DNAI1: variants seen among roughly 807,000 people sequenced by gnomAD.
DNAI1 encodes dynein axonemal intermediate chain 1, also known as dynein, axonemal, intermediate polypeptide 1.
A neutral mutation model predicts 92.0 loss-of-function variants in DNAI1; 67 were observed. The observed-to-expected ratio is 0.73, with a 90% CI of 0.60 to 0.89. The LOEUF is 0.89. Ranked by LOEUF, DNAI1 falls within the 40% of genes least tolerant of loss-of-function variation. DNAI1 has a pLI of 0.00. For missense variants in DNAI1, 839 were observed against 866.6 expected (o/e 0.97, Z 0.40); for synonymous variants, 323 against 319.6 (o/e 1.01, Z -0.11).
Position 34,488,226 on chromosome 9 carries a change from C to G in DNAI1, c.262-1097C>G, listed in dbSNP as rs541791657. On this transcript the variant is annotated intron_variant, in intron 4 of 19. Coordinates refer to ENST00000242317, the MANE Select transcript of DNAI1 (RefSeq NM_012144.4). ...TCTTTTATAGATGAAGAACTTAGGG[C>G]TTAGAGTGGTTAAGCCCAAAGTCAT... 1.6e-5 allele frequency: 3 copies of G among 192,240 alleles called. No homozygotes were observed. The South Asian group carries it at 2.1e-4, about 13-fold the overall frequency. 11.9% of individuals were successfully genotyped at this position (192,240 alleles called of 1,614,324 possible).
At chr9:34,460,942 G>A (rs1264600881) in intron 1 of DNAI1, among the ~76,000 whole-genome samples, 1 of 152,068 alleles carries the variant, frequency 6.6e-6, no homozygotes, top group Non-Finnish European at 1.5e-5. Flanking sequence ...CTGGGTTCAC[G>A]TCATTCTCCT....
intron 10 of DNAI1, among the ~76,000 whole-genome samples, chr9:34,500,293 T>C (rs1200643014): frequency 1.3e-5 from 2 of 152,108 alleles, no homozygotes; most frequent in Admixed American, 1.3e-4. Flanking sequence ...GGGCTGCATT[T>C]TAGGGATTTA....
chr9:34,484,877 C>T (rs1824439868), intron 2 of DNAI1, among the ~76,000 whole-genome samples: 1 of 152,200 alleles, frequency 6.6e-6, no homozygotes, highest in African/African-American at 2.4e-5. Flanking sequence ...GGTCCCACTA[C>T]TGGGGCCAGA....
At chr9:34,474,229 CT>C (rs943258713) in intron 1 of DNAI1, among the ~76,000 whole-genome samples, 14 of 148,884 alleles carry the variant, frequency 9.4e-5, no homozygotes, top group South Asian at 6.5e-4. Flanking sequence ...GTGACTATTT[CT>C]TTTTTTTTTC....
At chr9:34,487,133 A>G (rs1225011636) in intron 4 of DNAI1, among the ~76,000 whole-genome samples, 1 of 151,860 alleles carries the variant, frequency 6.6e-6, no homozygotes, top group East Asian at 1.9e-4. Flanking sequence ...TTCTTATTTA[A>G]GATTGTGTAG....
At chr9:34,513,895 T>C (rs1370484143) in intron 16 of DNAI1, among the ~76,000 whole-genome samples, 3 of 148,564 alleles carry the variant, frequency 2.0e-5, no homozygotes, top group Non-Finnish European at 3.0e-5. Flanking sequence ...GGCAAAAAAC[T>C]GAATAGGAAA....
chr9:34,494,172 G>A (rs1277052395), intron 9 of DNAI1, among the ~76,000 whole-genome samples: 1 of 152,088 alleles, frequency 6.6e-6, no homozygotes, highest in African/African-American at 2.4e-5. Flanking sequence ...GGCTGCTCTC[G>A]GGGAAGTGGT....
At chr9:34,504,939 G>A (rs1446279826) in intron 12 of DNAI1, among the ~76,000 whole-genome samples, 1 of 152,032 alleles carries the variant, frequency 6.6e-6, no homozygotes, top group Non-Finnish European at 1.5e-5. Context: ...AAGGGCGGAG[G>A]AGCATTGCAT....
chr9:34,514,228 G>T (rs1213040064), intron 16 of DNAI1, among the ~76,000 whole-genome samples, 166 bp from the exon 17 acceptor site: 1 of 152,168 alleles, frequency 6.6e-6, no homozygotes, highest in Non-Finnish European at 1.5e-5. Context: ...CTTTCCCCCA[G>T]GGTGTGCTGA....
rs1263667390 is a variant in DNAI1 at position 34,517,381 on chromosome 9, C to T, written c.1915C>T (p.Leu639Phe). The stretch of plus-strand genomic sequence containing the variant: ...CAGGCTCACCCACGTGCAGTTCAAT[C>T]TCATCCACCCCATCATCATTGTGGG... ...KNRLTHVQFN[L>F]IHPIIIVGDD... The change falls in exon 19 of 20, where the codon CTC becomes TTC. Residue 639 changes from leucine to phenylalanine, a missense_variant. Physicochemically the swap from Leu to Phe is conservative, Grantham distance 22. Transcript: ENST00000242317. 1 of 1,614,104 alleles carries T rather than the reference C, an allele frequency of 6.2e-7. No individual in the cohort carries two copies. The highest frequency in any genetic ancestry group is 8.5e-7 in the Non-Finnish European group (1 of 1,180,052).
intron 19 of DNAI1, among the ~76,000 whole-genome samples, chr9:34,519,199 C>G (rs72735259): frequency 0.075 from 11,387 of 152,244 alleles, 545 homozygotes; most frequent in Non-Finnish European, 0.12. Flanking sequence ...TACTGCCCTT[C>G]CTCTGTGAGC....
chr9:34,506,931 C>T, intron 13 of DNAI1, 57 bp downstream of exon 13: 1 of 1,589,894 alleles, frequency 6.3e-7, no homozygotes, highest in Non-Finnish European at 8.6e-7. Context: ...CCTGGAGCCA[C>T]TGGAGGAGGG....
intron 8 of DNAI1, among the ~76,000 whole-genome samples, 171 bp downstream of exon 8, chr9:34,491,725 A>T (rs549210178): frequency 2.0e-5 from 3 of 152,198 alleles, no homozygotes; most frequent in African/African-American, 7.2e-5. Context: ...CACCAGGCAC[A>T]TGAGACAGTA....
At chr9:34,476,126 G>A (rs1824231604) in intron 1 of DNAI1, among the ~76,000 whole-genome samples, 1 of 152,180 alleles carries the variant, frequency 6.6e-6, no homozygotes, top group Non-Finnish European at 1.5e-5. Flanking sequence ...CAGGAAGGCT[G>A]TGAAGATTGG....
Position 34,520,960 on chromosome 9 carries a change from A to G in DNAI1, c.*204A>G. ...ACCACCATTACCCCTCTAACTTTGC[A>G]CAAATAAACCTGTGTAGAAACCCAC... On this transcript the variant is annotated 3_prime_UTR_variant, in exon 20 of 20. Transcript: ENST00000242317. 1 of 635,838 alleles carries G rather than the reference A, an allele frequency of 1.6e-6. No homozygotes were observed. The highest frequency in any genetic ancestry group is 2.8e-6 in the Non-Finnish European group (1 of 353,812). The allele number at this position is 635,838 out of a possible 1,614,324, so 39.4% of individuals were successfully genotyped here. A position where few individuals can be genotyped will look rare whatever the true frequency, so the allele number is the denominator to read the frequency against.
intron 3 of DNAI1, 29 bp downstream of exon 3, chr9:34,485,269 C>T (rs370969795): frequency 1.4e-5 from 23 of 1,612,922 alleles, no homozygotes; most frequent in Non-Finnish European, 2.0e-5. Flanking sequence ...GTTCTTGCTC[C>T]TTGTACCTCT....
At chr9:34,467,448 C>CAAAT (rs1464754988) in intron 1 of DNAI1, among the ~76,000 whole-genome samples, 1 of 93,466 alleles carries the variant, frequency 1.1e-5, no homozygotes, top group African/African-American at 4.7e-5. Context: ...AATACACACA[C>CAAAT]ACACACACAC....
chr9:34,489,173 G>T, intron 4 of DNAI1, 150 bp from the exon 5 acceptor site: 4 of 875,288 alleles, frequency 4.6e-6, no homozygotes, highest in Non-Finnish European at 7.5e-6. Context: ...CTGAAATGCA[G>T]TGAAAACTTC....
At chr9:34,488,902 C>T (rs903982619) in intron 4 of DNAI1, among the ~76,000 whole-genome samples, 1 of 152,134 alleles carries the variant, frequency 6.6e-6, no homozygotes, top group East Asian at 1.9e-4. Context: ...GAAGATCTAT[C>T]CAGCTTTAGA....
Sources: gnomAD v4.1 joint callset for allele counts (sites outside exome capture counted in the v4.1 genomes callset) on GRCh38, gnomAD v4.1.1 for gene constraint, MANE v1.5 for transcripts, NCBI Gene and HGNC (gene_info 2026-07-23, HGNC 2026-07-21) for gene names.